The following SAMTOR variants were observed in gnomAD, a reference collection of about 807,000 sequenced individuals.
SAMTOR encodes S-adenosylmethionine sensor upstream of mTORC1, also known as UPF0532 protein C7orf60.
At chr7:112,823,229 T>G in the SAMTOR span, among the ~76,000 whole-genome samples, 1 of 152,168 alleles carries the variant, frequency 6.6e-6, no homozygotes, top group Non-Finnish European at 1.5e-5. Flanking sequence ...AAAGATGCTT[T>G]TCTTCTTCCC....
chr7:112,821,839 G>A, the SAMTOR span: 1 of 1,613,640 alleles, frequency 6.2e-7, no homozygotes, highest in Non-Finnish European at 8.5e-7. Context: ...GCATCAGGGA[G>A]TTCTGTGAAA....
chr7:112,828,954 T>C, the SAMTOR span, among the ~76,000 whole-genome samples: 2 of 152,204 alleles, frequency 1.3e-5, no homozygotes, highest in Non-Finnish European at 2.9e-5. Context: ...TATCACTAGT[T>C]TTAGAAGTTT....
chr7:112,857,683 A>AC, the SAMTOR span, among the ~76,000 whole-genome samples: 1 of 152,186 alleles, frequency 6.6e-6, no homozygotes, highest in Non-Finnish European at 1.5e-5. Context: ...AAGAAAAGGT[A>AC]CCCCCAGCTT....
At chr7:112,876,186 C>T in the SAMTOR span, among the ~76,000 whole-genome samples, 1 of 152,062 alleles carries the variant, frequency 6.6e-6, no homozygotes, top group Non-Finnish European at 1.5e-5. Flanking sequence ...TCTCAAACTC[C>T]CGGCCTCAAG....
the SAMTOR span, among the ~76,000 whole-genome samples, chr7:112,878,067 C>G: frequency 1.7e-4 from 26 of 152,182 alleles, no homozygotes; most frequent in Non-Finnish European, 3.4e-4. Flanking sequence ...GGCTGGATAA[C>G]TGTCATACCA....
the SAMTOR span, among the ~76,000 whole-genome samples, chr7:112,916,590 T>C: frequency 0.011 from 1,618 of 152,082 alleles, 30 homozygotes; most frequent in African/African-American, 0.037. Flanking sequence ...AGACAGTGGG[T>C]GCAGGACGGT....
chr7:112,843,505 T>C, the SAMTOR span, among the ~76,000 whole-genome samples: 1 of 151,990 alleles, frequency 6.6e-6, no homozygotes, highest in Admixed American at 6.6e-5. Flanking sequence ...AAAGAAGGAA[T>C]TGCTAAATTT....
the SAMTOR span, among the ~76,000 whole-genome samples, chr7:112,854,781 A>G: frequency 2.4e-4 from 37 of 152,218 alleles, no homozygotes; most frequent in Admixed American, 6.5e-5. Context: ...AGATCTGAGA[A>G]TAGAGGCTTC....
the SAMTOR span, among the ~76,000 whole-genome samples, chr7:112,902,434 A>ACAAC: frequency 8.0e-5 from 9 of 111,972 alleles, no homozygotes; most frequent in African/African-American, 3.2e-4. Context: ...AAAAACAAAA[A>ACAAC]AAAACAAAAA....
the SAMTOR span, among the ~76,000 whole-genome samples, chr7:112,927,042 A>G: frequency 2.6e-5 from 4 of 152,088 alleles, no homozygotes. Flanking sequence ...AAATTATTAA[A>G]AAGGAATGAG....
the SAMTOR span, among the ~76,000 whole-genome samples, chr7:112,897,791 A>T: frequency 6.6e-6 from 1 of 152,228 alleles, no homozygotes; most frequent in South Asian, 2.1e-4. Flanking sequence ...TCCAGCAATC[A>T]CCCCCTAGAC....
the SAMTOR span, among the ~76,000 whole-genome samples, chr7:112,928,081 A>G: frequency 1.3e-5 from 2 of 152,046 alleles, no homozygotes; most frequent in African/African-American, 2.4e-5. Context: ...TTAATTTAAA[A>G]AGAGTTCCAT....
the SAMTOR span, among the ~76,000 whole-genome samples, chr7:112,900,179 T>C: frequency 6.6e-6 from 1 of 152,208 alleles, no homozygotes; most frequent in Non-Finnish European, 1.5e-5. Context: ...AATTGGCTTA[T>C]GTGATTATGC....
chr7:112,885,834 T>C, the SAMTOR span, among the ~76,000 whole-genome samples: 1 of 152,336 alleles, frequency 6.6e-6, no homozygotes, highest in East Asian at 1.9e-4. Flanking sequence ...TTTGGGTATC[T>C]TTATAGCAAC....
At chr7:112,919,911 A>T in the SAMTOR span, among the ~76,000 whole-genome samples, 1 of 152,148 alleles carries the variant, frequency 6.6e-6, no homozygotes, top group African/African-American at 2.4e-5. Flanking sequence ...AGAAGTTGAA[A>T]CTCCAAATAG....
chr7:112,881,739 T>C, the SAMTOR span, among the ~76,000 whole-genome samples: 2 of 152,170 alleles, frequency 1.3e-5, no homozygotes, highest in Non-Finnish European at 2.9e-5. Context: ...AAGCTACCAC[T>C]TGGGTCTCCT....
chr7:112,856,178 T>C, the SAMTOR span, among the ~76,000 whole-genome samples: 2 of 152,050 alleles, frequency 1.3e-5, no homozygotes, highest in Admixed American at 6.6e-5. Flanking sequence ...AAAATCACAA[T>C]GGCAGTAGAA....
At chr7:112,910,598 A>G in the SAMTOR span, among the ~76,000 whole-genome samples, 4 of 152,200 alleles carry the variant, frequency 2.6e-5, no homozygotes. Context: ...GATTGAGTAG[A>G]TACCACCTTA....
At chr7:112,911,060 G>C in the SAMTOR span, among the ~76,000 whole-genome samples, 3,539 of 152,164 alleles carry the variant, frequency 0.023, 143 homozygotes, top group African/African-American at 0.08. Context: ...AGCCTTCCAG[G>C]GTAGAAATAC....
Sources: gnomAD v4.1 joint callset for allele counts (sites outside exome capture counted in the v4.1 genomes callset) on GRCh38, gnomAD v4.1.1 for gene constraint, MANE v1.5 for transcripts, NCBI Gene and HGNC (gene_info 2026-07-23, HGNC 2026-07-21) for gene names.